NBPF14: variants seen among roughly 807,000 people sequenced by gnomAD.
NBPF14 encodes NBPF family member NBPF14.
Under a neutral mutation model 91.2 loss-of-function variants are expected in NBPF14, and 104 were observed. That is an observed-to-expected ratio of 1.14 (90% confidence interval 0.97 to 1.34). The LOEUF (loss-of-function observed/expected upper bound fraction) is 1.34. Among genes scored for constraint, NBPF14 ranks in the 40% most tolerant of loss-of-function variants. The pLI is 0.00. For missense variants in NBPF14, 908 were observed against 783.0 expected (o/e 1.16, Z -1.91); for synonymous variants, 294 against 303.8 (o/e 0.97, Z 0.34).
Position 148,559,959 on chromosome 1 carries a change from G to GT in NBPF14, c.4562_4563insA (p.Ser1521ArgfsTer7). On this transcript the variant is annotated frameshift_variant, in exon 37 of 71. Coordinates refer to ENST00000619423, the Ensembl canonical transcript of NBPF14. LOFTEE classifies it high-confidence loss of function. ...GCCCTTTCTCATGCAGCAGCTCCCT[G>GT]CTGAGCCTGGAAAAGTGGAAAAAAG... is the stretch of plus-strand genomic sequence containing the variant. The GT allele has an allele frequency of 7.3e-7, 1 of 1,361,076 alleles. No homozygotes were observed. Among genetic ancestry groups the GT allele is most frequent in the Admixed American group, 1.8e-5 (1 of 56,332 alleles). 84.3% of individuals were successfully genotyped at this position (1,361,076 alleles called of 1,614,324 possible). A position where few individuals can be genotyped will look rare whatever the true frequency, so the allele number is the denominator to read the frequency against.
intron 13 of NBPF14, among the ~76,000 whole-genome samples, chr1:148,578,765 A>G (rs1445377272): frequency 6.8e-6 from 1 of 146,826 alleles, no homozygotes; most frequent in East Asian, 2.0e-4. Context: ...GATCTGACAG[A>G]CAACTCCTGG....
Position 148,585,406 on chromosome 1 carries a change from G to A in NBPF14, c.1307-193C>T, listed in dbSNP as rs1661347742. On this transcript the variant is annotated intron_variant, in intron 9 of 70. Coordinates refer to ENST00000619423, the Ensembl canonical transcript of NBPF14. ...TCAGGCAATGCATTTCTGATCTGGAGGGCCACCATCAACATGTGGCCAAAT... is the reference window on the plus strand; with the variant it reads ...TCAGGCAATGCATTTCTGATCTGGAAGGCCACCATCAACATGTGGCCAAAT... Among the ~76,000 whole-genome samples the A allele has an allele frequency of 1.3e-5, 2 of 151,870 alleles. 1 individual carries two copies. The highest frequency in any genetic ancestry group is 4.8e-5 in the African/African-American group (2 of 41,286).
At chr1:148,572,676 G>A (rs1257976271) in intron 20 of NBPF14, 61 bp from the exon 21 acceptor site, 1 of 675,716 alleles carries the variant, frequency 1.5e-6, no homozygotes, top group Non-Finnish European at 2.6e-6. Flanking sequence ...CACAGCCCCA[G>A]CTAGATTTCA....
At chr1:148,587,045 T>C (rs1234435168) in intron 8 of NBPF14, among the ~76,000 whole-genome samples, 1 of 147,540 alleles carries the variant, frequency 6.8e-6, no homozygotes, top group African/African-American at 2.5e-5. Flanking sequence ...ACTCCTTTGG[T>C]TAATTTTGTG....
chr1:148,590,293 A>G (rs1173331091), intron 6 of NBPF14, among the ~76,000 whole-genome samples: 7 of 139,830 alleles, frequency 5.0e-5, no homozygotes, highest in Admixed American at 3.6e-4. Context: ...TCCTGACCTC[A>G]TGATCCACCC....
At chr1:148,587,093 AAG>A (rs1661665961) in intron 8 of NBPF14, among the ~76,000 whole-genome samples, 2 of 148,118 alleles carry the variant, frequency 1.4e-5, no homozygotes, top group Non-Finnish European at 1.5e-5. Flanking sequence ...TTGTTTGAAA[AAG>A]AGAAAACAAG....
intron 70 of NBPF14, 80 bp downstream of exon 70, chr1:148,533,781 C>A (rs1278429482): frequency 2.0e-5 from 15 of 763,988 alleles, no homozygotes; most frequent in South Asian, 1.2e-4. Context: ...AATATGACAT[C>A]AAACACACTC....
intron 16 of NBPF14, among the ~76,000 whole-genome samples, 193 bp from the exon 17 acceptor site, chr1:148,576,004 G>C (rs1225012394): frequency 2.1e-5 from 3 of 146,332 alleles, no homozygotes; most frequent in Non-Finnish European, 3.0e-5. Context: ...AGAAAGACAG[G>C]GAGAGGGAGA....
chr1:148,572,311 C>A lies in NBPF14; in HGVS notation c.2758+132G>T, dbSNP rs1659216709. 1.8e-3 allele frequency: 398 copies of A among 224,472 alleles called. 47 individuals are homozygous for A. The highest frequency in any genetic ancestry group is 2.0e-3 in the East Asian group (22 of 11,092). The allele number at this position is 224,472 out of a possible 1,614,324, so 13.9% of individuals were successfully genotyped here. A position where few individuals can be genotyped will look rare whatever the true frequency, so the allele number is the denominator to read the frequency against. On this transcript the variant is annotated intron_variant, in intron 21 of 70. Transcript: ENST00000619423. ...AACTGAGACTACAGTTTCATTACAA[C>A]CTATATGCGCCCATAGGTCCTGCCT... is the stretch of plus-strand genomic sequence containing the variant.
At chr1:148,566,421 G>T (rs1479136311) in intron 28 of NBPF14, 106 bp from the exon 29 acceptor site, 2 of 607,230 alleles carry the variant, frequency 3.3e-6, no homozygotes, top group East Asian at 3.0e-5. Context: ...AAAACTAAAA[G>T]GATAGATCCA....
intron 6 of NBPF14, among the ~76,000 whole-genome samples, chr1:148,590,241 T>C (rs1662261405): frequency 2.2e-5 from 3 of 137,318 alleles, no homozygotes; most frequent in African/African-American, 8.0e-5. Flanking sequence ...GTATTTTTAG[T>C]AAAGATGGGG....
chr1:148,566,521 AC>A (rs1658375054), intron 28 of NBPF14, among the ~76,000 whole-genome samples: 1 of 130,212 alleles, frequency 7.7e-6, no homozygotes, highest in Non-Finnish European at 1.8e-5. Context: ...ACACACACAC[AC>A]ACACACACAC....
chr1:148,560,242 A>G (rs1657571792), intron 36 of NBPF14, among the ~76,000 whole-genome samples: 1 of 149,988 alleles, frequency 6.7e-6, no homozygotes, highest in Non-Finnish European at 1.5e-5. Flanking sequence ...CTGGTAAGGG[A>G]GTCAAAGGAC....
At chr1:148,593,106 A>G (rs1204473056) in intron 3 of NBPF14, among the ~76,000 whole-genome samples, 1 of 147,612 alleles carries the variant, frequency 6.8e-6, no homozygotes, top group Non-Finnish European at 1.5e-5. Context: ...CACATAGTGC[A>G]TCTTGCGGCC....
At chr1:148,577,034 A>T (rs1217749370) in intron 15 of NBPF14, 149 bp downstream of exon 15, 1 of 629,988 alleles carries the variant, frequency 1.6e-6, no homozygotes, top group Non-Finnish European at 2.9e-6. Context: ...TTCCAAGTGG[A>T]ACTAGAGTTT....
intron 37 of NBPF14, among the ~76,000 whole-genome samples, chr1:148,559,491 T>G (rs1657248677): frequency 1.6e-5 from 2 of 127,572 alleles, no homozygotes; most frequent in Non-Finnish European, 3.1e-5. Context: ...CTACAAGATC[T>G]ACAAAATTGA....
intron 6 of NBPF14, among the ~76,000 whole-genome samples, chr1:148,589,984 A>G (rs1214697990): frequency 1.4e-5 from 2 of 139,244 alleles, no homozygotes; most frequent in Admixed American, 7.2e-5. Flanking sequence ...CGCCCACCTC[A>G]GCCTCCCAAA....
At chr1:148,590,215 ATTTTTTT>A (rs1261308189) in intron 6 of NBPF14, among the ~76,000 whole-genome samples, 1 of 118,796 alleles carries the variant, frequency 8.4e-6, no homozygotes, top group African/African-American at 3.1e-5. Flanking sequence ...ACGCCCAGCT[ATTTTTTT>A]TTTTTTTTGT....
Position 148,595,574 on chromosome 1 carries a change from G to T in NBPF14, c.144C>A (p.Ala48=), listed in dbSNP as rs1215450485. 165 of 1,582,786 alleles carry T rather than the reference G, an allele frequency of 1.0e-4. 16 individuals carry two copies. The highest frequency in any genetic ancestry group is 5.2e-4 in the South Asian group (46 of 89,264). The stretch of plus-strand genomic sequence containing the variant: ...TCTTCTGTTGGTTGGCCAGGAAGCC[G>T]GCCAGTTGAGTTAGAAAACATTTCT... Residue 48 remains alanine, a synonymous_variant, in exon 2 of 71, where the codon GCC becomes GCA. Transcript: ENST00000619423.
Sources: allele counts gnomAD v4.1 joint callset (sites outside exome capture counted in the v4.1 genomes callset), GRCh38; gene constraint gnomAD v4.1.1; transcripts MANE v1.5; gene names NCBI Gene and HGNC (gene_info 2026-07-23, HGNC 2026-07-21).